ARHGEF40: variants seen among roughly 807,000 people sequenced by gnomAD.
ARHGEF40 encodes Rho guanine nucleotide exchange factor (GEF) 40.
ARHGEF40 carries 98 observed loss-of-function variants against 165.9 expected under a neutral mutation model. That is an observed-to-expected ratio of 0.59 (90% CI 0.50 to 0.70). The LOEUF is 0.70. Ranked by LOEUF, ARHGEF40 falls within the 30% of genes least tolerant of loss-of-function variation. The pLI, the probability that ARHGEF40 is intolerant of heterozygous loss-of-function variation, is 0.00. For missense variants in ARHGEF40, 1,815 were observed against 1,968.0 expected, an observed-to-expected ratio of 0.92 and a Z score of 1.47; for synonymous variants, 792 against 814.3, an observed-to-expected ratio of 0.97 and a Z score of 0.47.
rs1183169499 is a variant in ARHGEF40, at chr14:21,078,117, A to AG, written c.2035-57dup. On this transcript the variant is annotated intron_variant, in intron 8 of 23. Coordinates refer to ENST00000298694, the MANE Select transcript of ARHGEF40 (RefSeq NM_018071.5). ...TCTGGGGCTACCGCACCCCAACCCT[A>AG]GGGCTTAAGTTCCTTCTTAAACTCT... The AG allele has an allele frequency of 1.6e-5, 24 of 1,496,226 alleles. No individual in the cohort carries two copies. The African/African-American group carries it at 3.1e-4, about 19-fold the overall frequency. The allele number at this position is 1,496,226 out of a possible 1,614,324, so 92.7% of individuals were successfully genotyped here.
Position 21,075,267 on chromosome 14 carries a change from G to A in ARHGEF40, c.1451-65G>A. The A allele has an allele frequency of 6.3e-7, 1 of 1,599,044 alleles. No individual in the cohort carries two copies. Among genetic ancestry groups the A allele is most frequent in the East Asian group, 2.2e-5 (1 of 44,788 alleles). On this transcript the variant is annotated intron_variant, in intron 3 of 23. Coordinates refer to ENST00000298694, the MANE Select transcript of ARHGEF40 (RefSeq NM_018071.5). The surrounding 1 kb of genome is among the most constrained non-coding windows in gnomAD (Gnocchi z 4.5). ...GGGGCAGGAGGAGGAGCAGGGTTAG[G>A]CTGGGAGCAGAACAACCAGAACCAT... is the stretch of plus-strand genomic sequence containing the variant.
chr14:21,087,898 G>C, intron 21 of ARHGEF40, 70 bp from the exon 22 acceptor site: 1 of 1,602,770 alleles, frequency 6.2e-7, no homozygotes, highest in South Asian at 1.1e-5. Flanking sequence ...TTCCCTGATG[G>C]AGCAGCTTGG....
the ARHGEF40 span, among the ~76,000 whole-genome samples, chr14:21,062,239 A>G: frequency 6.6e-6 from 1 of 152,250 alleles, no homozygotes. Flanking sequence ...TTCATGTTCT[A>G]TGATATTTTC....
chr14:21,070,374 CG>C lies in ARHGEF40; in HGVS notation c.-21del. ...CGGCCCCGCCCGCCCGACCAAGCGTCGGACGCGGCCCGGCGCCGAGCCATGG... is the reference window on the plus strand; with the variant it reads ...CGGCCCCGCCCGCCCGACCAAGCGTCGACGCGGCCCGGCGCCGAGCCATGG... On this transcript the variant is annotated 5_prime_UTR_variant, in exon 1 of 24. Coordinates refer to ENST00000298694, the MANE Select transcript of ARHGEF40 (RefSeq NM_018071.5). The surrounding 1 kb of genome is among the most constrained non-coding windows in gnomAD (Gnocchi z 4.7). The C allele has an allele frequency of 7.1e-7, 1 of 1,407,466 alleles. No homozygotes were observed. The highest frequency in any genetic ancestry group is 2.3e-4 in the Middle Eastern group (1 of 4,320). 87.2% of individuals were successfully genotyped at this position (1,407,466 alleles called of 1,614,324 possible).
chr14:21,083,179 T>C (rs61978226), intron 16 of ARHGEF40, among the ~76,000 whole-genome samples: 5,699 of 152,176 alleles, frequency 0.037, 130 homozygotes, highest in South Asian at 0.087. Context: ...ATAGTCACTA[T>C]AGCCAGCTCA....
chr14:21,075,693 G>C lies in ARHGEF40; in HGVS notation c.1667G>C (p.Cys556Ser), dbSNP rs780242718. The C allele has an allele frequency of 1.5e-5, 25 of 1,613,658 alleles. No homozygotes were observed. Among genetic ancestry groups the C allele is most frequent in the Non-Finnish European group, 2.1e-5 (25 of 1,179,996 alleles). Reference protein sequence around the residue: ...GRALLTITPPCPPEEPPPSRD... With the variant: ...GRALLTITPPSPPEEPPPSRD... ...GCTCTGCTGACCATTACCCCACCGT[G>C]CCCTCCTGAGGAGCCCCCACCCTCC... The change falls in exon 5 of 24, where the codon TGC (cysteine) becomes TCC (serine). Residue 556 changes from cysteine (C) to serine (S), a missense_variant. By Grantham distance (112) the Cys-to-Ser change is moderately radical. Transcript: ENST00000298694. This position sits in a 1 kb window ranked among gnomAD's most constrained non-coding sequence, Gnocchi z 4.5.
At chr14:21,063,490 G>T in the ARHGEF40 span, among the ~76,000 whole-genome samples, 1 of 152,110 alleles carries the variant, frequency 6.6e-6, no homozygotes, top group East Asian at 1.9e-4. Flanking sequence ...GGTCTTATGC[G>T]TATGTTCAAC....
chr14:21,064,130 T>C, the ARHGEF40 span, among the ~76,000 whole-genome samples: 1 of 152,302 alleles, frequency 6.6e-6, no homozygotes, highest in South Asian at 2.1e-4. Flanking sequence ...TTTGACCCAA[T>C]AATTCCATTT....
At position 21,087,107 on chromosome 14, in the gene ARHGEF40, TG is replaced by T; in HGVS notation, c.4243+3del. On this transcript the variant is annotated splice_donor_region_variant and intron_variant, in intron 20 of 23. Coordinates refer to ENST00000298694, the MANE Select transcript of ARHGEF40 (RefSeq NM_018071.5). The stretch of plus-strand genomic sequence containing the variant: ...TGAGTGCCCTGCTCACTGGAAGAGG[TG>T]AGGGCCAGGGTGCTGGGGGGTGGCC... The T allele has an allele frequency of 6.2e-7, 1 of 1,607,266 alleles. No homozygotes were observed. The highest frequency in any genetic ancestry group is 8.5e-7 in the Non-Finnish European group (1 of 1,176,726).
upstream of ARHGEF40, among the ~76,000 whole-genome samples, chr14:21,066,122 A>C (rs1222902004): frequency 6.6e-6 from 1 of 152,014 alleles, no homozygotes; most frequent in Non-Finnish European, 1.5e-5. Flanking sequence ...ACAACAACAA[A>C]AACCTGAAAA....
chr14:21,075,871 T>C lies in ARHGEF40; in HGVS notation c.1739+106T>C, dbSNP rs112166570. 4 of 1,405,634 alleles carry C rather than the reference T, an allele frequency of 2.8e-6. No homozygotes were observed. In the African/African-American group the frequency reaches 4.3e-5, roughly 15 times the overall value. 87.1% of individuals were successfully genotyped at this position (1,405,634 alleles called of 1,614,324 possible). On this transcript the variant is annotated intron_variant, in intron 5 of 23. Coordinates refer to ENST00000298694, the MANE Select transcript of ARHGEF40 (RefSeq NM_018071.5). This position sits in a 1 kb window ranked among gnomAD's most constrained non-coding sequence, Gnocchi z 4.5. The stretch of plus-strand genomic sequence containing the variant: ...TGACCTTCTGACCTCTAAGGACACC[T>C]ACTTCTTCAACCTTCAGACTTCAAG...
chr14:21,078,313 T>C, intron 9 of ARHGEF40, 41 bp downstream of exon 9: 1 of 1,603,814 alleles, frequency 6.2e-7, no homozygotes, highest in South Asian at 1.1e-5. Flanking sequence ...GGGATTGGGA[T>C]GGGGCTGGGG....
intron 21 of ARHGEF40, 194 bp from the exon 22 acceptor site, chr14:21,087,774 T>G: frequency 1.3e-6 from 1 of 780,006 alleles, no homozygotes; most frequent in Non-Finnish European, 2.1e-6. Flanking sequence ...CTGTCGCTTC[T>G]TCCCTGGTTG....
At chr14:21,080,836 G>C in intron 12 of ARHGEF40, 37 bp from the exon 13 acceptor site, 1 of 1,609,070 alleles carries the variant, frequency 6.2e-7, no homozygotes, top group Non-Finnish European at 8.5e-7. Context: ...CTACCTAGGA[G>C]TGAGGACCAG....
chr14:21,079,160 A>C (rs544333513), intron 11 of ARHGEF40, 150 bp downstream of exon 11: 38 of 1,134,404 alleles, frequency 3.3e-5, no homozygotes, highest in East Asian at 3.0e-4. Context: ...TCAGTGTGAG[A>C]TTGAACAAGA....
At chr14:21,071,404 C>T (rs1886844074) in intron 1 of ARHGEF40, among the ~76,000 whole-genome samples, 1 of 152,008 alleles carries the variant, frequency 6.6e-6, no homozygotes, top group African/African-American at 2.4e-5. Flanking sequence ...GGGAGCTCAC[C>T]GCAGGGAGTG....
Position 21,082,796 on chromosome 14 carries a change from A to T in ARHGEF40, c.3487-35A>T, listed in dbSNP as rs574068293. ...AGAGAGGCTTGTCTGCAGCGGCCTC[A>T]CCGGGGACTCCTTATCTGTTCTTTA... On this transcript the variant is annotated intron_variant, in intron 15 of 23. Transcript: ENST00000298694. 15 of 1,603,398 alleles carry T rather than the reference A, an allele frequency of 9.4e-6. No homozygotes were observed. In the East Asian group the frequency reaches 1.6e-4, roughly 17 times the overall value.
rs1888000091 is a variant in ARHGEF40, at chr14:21,082,411, A to G, written c.3419A>G (p.His1140Arg). ...AGGCTTCGCAGCTTCCACCGGACACACTTTCTGCGGGAGCTTCAGGGCTGC... is the reference window on the plus strand; with the variant it reads ...AGGCTTCGCAGCTTCCACCGGACACGCTTTCTGCGGGAGCTTCAGGGCTGC... ...RERLRSFHRT[H>R]FLRELQGCAT... The change falls in exon 15 of 24, where the codon CAC becomes CGC. Residue 1140 changes from histidine to arginine, a missense_variant. Coordinates refer to ENST00000298694, the MANE Select transcript of ARHGEF40 (RefSeq NM_018071.5). 6.2e-7 allele frequency: 1 copy of G among 1,611,248 alleles called. No homozygotes were observed.
At chr14:21,069,215 C>T (rs1208806723), upstream of ARHGEF40, among the ~76,000 whole-genome samples, 1 of 152,238 alleles carries the variant, frequency 6.6e-6, no homozygotes, top group Non-Finnish European at 1.5e-5. Flanking sequence ...GGAGACCCCC[C>T]ATCTGGCCTT....
Sources: allele counts gnomAD v4.1 joint callset (sites outside exome capture counted in the v4.1 genomes callset), GRCh38; gene constraint gnomAD v4.1.1; non-coding constraint Gnocchi (gnomAD v3.1); transcripts MANE v1.5; gene names NCBI Gene and HGNC (gene_info 2026-07-23, HGNC 2026-07-21).